Variants in SIRT5 observed in about 807,000 individuals in gnomAD.
The protein encoded by SIRT5 is NAD-dependent protein deacylase sirtuin-5, mitochondrial.
Under a neutral mutation model 40.0 loss-of-function variants are expected in SIRT5, and 26 were observed. The observed-to-expected ratio is 0.65, with a 90% CI of 0.48 to 0.90. SIRT5 has a LOEUF of 0.90. Ranked by LOEUF, SIRT5 falls within the 40% of genes least tolerant of loss-of-function variation. The probability of loss-of-function intolerance (pLI) is 0.00; values close to 1 mark genes in which losing one functional copy is unlikely to be tolerated. For missense variants in SIRT5, 401 were observed against 402.4 expected, an observed-to-expected ratio of 1.00 and a Z score of 0.03; for synonymous variants, 146 against 149.1, an observed-to-expected ratio of 0.98 and a Z score of 0.15.
At chr6:13,591,102 G>C (rs545446033) in intron 4 of SIRT5, among the ~76,000 whole-genome samples, 2 of 151,602 alleles carry the variant, frequency 1.3e-5, no homozygotes, top group Non-Finnish European at 2.9e-5. Context: ...TGTGTGTGTA[G>C]ATATGTGTAG....
At chr6:13,611,236 TACACACACACATACACACACAC>T (rs1763860850) in intron 9 of SIRT5, among the ~76,000 whole-genome samples, 9 of 92,914 alleles carry the variant, frequency 9.7e-5, no homozygotes, top group Admixed American at 2.4e-4. Flanking sequence ...TATATATATA[TACACACACACATACACACACAC>T]ATATATATAC....
At position 13,614,821 on chromosome 6, in the gene SIRT5, C is replaced by G. The variant is rs981864940; in HGVS notation, c.*2956C>G. On this transcript the variant is annotated 3_prime_UTR_variant, in exon 10 of 10. Coordinates refer to ENST00000606117, the MANE Select transcript of SIRT5 (RefSeq NM_012241.5). ...AGTCCAGGTCTGTCGCCCGCGTCTT[C>G]GTCGGTGGCAGCAGGGCTGACTGGC... 3.9e-5 allele frequency: 6 copies of G among 152,896 alleles called. No individual in the cohort carries two copies. The highest frequency in any genetic ancestry group is 1.3e-4 in the Admixed American group (2 of 15,314). 9.5% of individuals were successfully genotyped at this position (152,896 alleles called of 1,614,324 possible).
At chr6:13,585,732 A>G (rs1759989714) in intron 3 of SIRT5, among the ~76,000 whole-genome samples, 1 of 152,170 alleles carries the variant, frequency 6.6e-6, no homozygotes, top group African/African-American at 2.4e-5. Context: ...TAGTAGCATG[A>G]TTTATAATCC....
At chr6:13,596,313 C>T (rs1761562790) in intron 6 of SIRT5, among the ~76,000 whole-genome samples, 1 of 152,180 alleles carries the variant, frequency 6.6e-6, no homozygotes, top group South Asian at 2.1e-4. Context: ...AGAAAAATTC[C>T]ACTCAGCCTT....
chr6:13,610,672 C>T (rs1190946577), intron 9 of SIRT5, among the ~76,000 whole-genome samples: 2 of 152,166 alleles, frequency 1.3e-5, no homozygotes, highest in Admixed American at 6.5e-5. Context: ...TGGGAATTCC[C>T]TAAACGCTCC....
intron 1 of SIRT5, 47 bp downstream of exon 1, chr6:13,574,791 G>GGGGGATGGAAAC (rs1758367227): frequency 6.6e-6 from 1 of 152,604 alleles, no homozygotes; most frequent in Admixed American, 6.5e-5. Flanking sequence ...AGACCAGGGA[G>GGGGGATGGAAAC]GGGGATGGAA....
chr6:13,608,753 A>G (rs753253619), intron 9 of SIRT5, among the ~76,000 whole-genome samples: 1 of 152,216 alleles, frequency 6.6e-6, no homozygotes, highest in African/African-American at 2.4e-5. Context: ...TCTGCAGTGC[A>G]TAATTGTAAA....
rs1457197366 is a variant in SIRT5 at position 13,588,419 on chromosome 6, G to A, written c.204G>A (p.Pro68=). The part of the protein sequence containing the change: ...GAGVSAESGV[P]TFRGAGGYWR... ...GTGTTAGTGCAGAAAGTGGTGTTCC[G>A]ACCTTCAGAGGAGCTGGAGGTTATT... The change falls in exon 4 of 10, where the codon CCG becomes CCA. Residue 68 remains proline, a synonymous_variant. Coordinates refer to ENST00000606117, the MANE Select transcript of SIRT5 (RefSeq NM_012241.5). 6.2e-6 allele frequency: 10 copies of A among 1,614,040 alleles called. No homozygotes were observed. The highest frequency in any genetic ancestry group is 5.3e-5 in the African/African-American group (4 of 74,916).
chr6:13,597,945 T>G (rs992883200), intron 7 of SIRT5, among the ~76,000 whole-genome samples: 1 of 152,186 alleles, frequency 6.6e-6, no homozygotes, highest in African/African-American at 2.4e-5. Context: ...GAAAAAAACA[T>G]GTTAGGCACT....
intron 9 of SIRT5, among the ~76,000 whole-genome samples, chr6:13,601,287 C>G (rs1420582832): frequency 6.6e-6 from 1 of 152,202 alleles, no homozygotes; most frequent in East Asian, 1.9e-4. Flanking sequence ...CGCAAGTAAG[C>G]CTGGGAGATG....
intron 9 of SIRT5, among the ~76,000 whole-genome samples, chr6:13,608,461 C>G (rs890701233): frequency 3.9e-5 from 6 of 152,060 alleles, no homozygotes; most frequent in African/African-American, 1.4e-4. Context: ...TGGTCCACAC[C>G]TGTAATCCCG....
chr6:13,599,470 T>C (rs1762078814), intron 8 of SIRT5, among the ~76,000 whole-genome samples: 1 of 152,236 alleles, frequency 6.6e-6, no homozygotes, highest in Admixed American at 6.5e-5. Flanking sequence ...AATACATGCT[T>C]ATGATTAAAT....
chr6:13,615,107 T>A lies in SIRT5; in HGVS notation c.*3242T>A. 2.1e-6 allele frequency: 1 copy of A among 469,822 alleles called. No homozygotes were observed. Among genetic ancestry groups the A allele is most frequent in the Non-Finnish European group, 3.7e-6 (1 of 268,088 alleles). 29.1% of individuals were successfully genotyped at this position (469,822 alleles called of 1,614,324 possible). ...GCGATGGCTCTTCCCTGCCTTGAAA[T>A]CAACCCCATTGCCAGCCGCTTTCGC... On this transcript the variant is annotated 3_prime_UTR_variant, in exon 10 of 10. Coordinates refer to ENST00000606117, the MANE Select transcript of SIRT5 (RefSeq NM_012241.5).
At chr6:13,585,642 C>T (rs4449622) in intron 3 of SIRT5, among the ~76,000 whole-genome samples, 119,783 of 152,146 alleles carry the variant, frequency 0.79, 47,358 homozygotes, top group South Asian at 0.85. Context: ...CAGTCTATCA[C>T]TGATGGACAT....
intron 8 of SIRT5, 70 bp downstream of exon 8, chr6:13,599,225 T>A: frequency 6.7e-7 from 1 of 1,503,546 alleles, no homozygotes; most frequent in Non-Finnish European, 9.0e-7. Flanking sequence ...CCCTCTCCTC[T>A]TTTCCTTCCT....
rs955013340 is a variant in SIRT5 at position 13,607,903 on chromosome 6, G to A, written c.858-3887G>A. Among the ~76,000 whole-genome samples, 3 of 151,900 alleles carry A rather than the reference G, an allele frequency of 2.0e-5. No homozygotes were observed. The highest frequency in any genetic ancestry group is 6.6e-5 in the Admixed American group (1 of 15,248). Reference sequence around the variant, plus strand: ...CAAGCAGCTAGGACTACAGGCGTGCGCCACCACACCCAGCTAATTTTTTGT... The same window carrying A: ...CAAGCAGCTAGGACTACAGGCGTGCACCACCACACCCAGCTAATTTTTTGT... On this transcript the variant is annotated intron_variant, in intron 9 of 9. Transcript: ENST00000606117. This position sits in a 1 kb window ranked among gnomAD's most constrained non-coding sequence, Gnocchi z 4.0.
Position 13,597,274 on chromosome 6 carries a change from A to C in SIRT5, c.617+258A>C, listed in dbSNP as rs546044966. Among the ~76,000 whole-genome samples, 20 of 152,138 alleles carry C rather than the reference A, an allele frequency of 1.3e-4. No individual in the cohort carries two copies. The East Asian group carries it at 3.9e-3, about 29-fold the overall frequency. Reference sequence around the variant, plus strand: ...CATTTGAGGTCGGGAAAGTTTCTGAAGCTGTCGTGCGACAGGTGGTTACCC... The same window carrying C: ...CATTTGAGGTCGGGAAAGTTTCTGACGCTGTCGTGCGACAGGTGGTTACCC... On this transcript the variant is annotated intron_variant, in intron 7 of 9. Coordinates refer to ENST00000606117, the MANE Select transcript of SIRT5 (RefSeq NM_012241.5).
intron 5 of SIRT5, among the ~76,000 whole-genome samples, chr6:13,594,753 A>T (rs1394055051): frequency 6.6e-6 from 1 of 152,254 alleles, no homozygotes; most frequent in African/African-American, 2.4e-5. Context: ...GCGCATGTCC[A>T]CTAGGGTTGA....
intron 9 of SIRT5, among the ~76,000 whole-genome samples, chr6:13,606,827 G>C (rs1437506228): frequency 6.6e-6 from 1 of 151,942 alleles, no homozygotes; most frequent in Non-Finnish European, 1.5e-5. Flanking sequence ...GATTACAGGC[G>C]TGCACCACCA....
Sources: gnomAD v4.1 joint callset for allele counts (sites outside exome capture counted in the v4.1 genomes callset) on GRCh38, gnomAD v4.1.1 for gene constraint, Gnocchi (gnomAD v3.1) non-coding constraint, MANE v1.5 for transcripts, NCBI Gene and HGNC (gene_info 2026-07-23, HGNC 2026-07-21) for gene names.